KANK1: variants seen among roughly 807,000 people sequenced by gnomAD.
KANK1 encodes the protein KN motif and ankyrin repeat domain-containing protein 1.
A neutral mutation model predicts 106.2 loss-of-function variants in KANK1; 109 were observed. The observed-to-expected ratio is 1.03, with a 90% CI of 0.88 to 1.20. The LOEUF is 1.20. KANK1 is among the 50% of genes most tolerant of loss of function. The pLI, the probability that KANK1 is intolerant of heterozygous loss-of-function variation, is 0.00. For missense variants in KANK1, 2,399 were observed against 1,710.7 expected, an observed-to-expected ratio of 1.40 and a Z score of -7.10; for synonymous variants, 873 against 652.2, an observed-to-expected ratio of 1.34 and a Z score of -5.16.
chr9:703,171 C>T (rs1323077078), intron 2 of KANK1, among the ~76,000 whole-genome samples: 1 of 151,840 alleles, frequency 6.6e-6, no homozygotes, highest in African/African-American at 2.4e-5. Context: ...TTTGTATTTT[C>T]AGTAGAGACA....
intron 8 of KANK1, 21 bp downstream of exon 8, chr9:738,525 C>T (rs186785228): frequency 6.3e-6 from 10 of 1,582,584 alleles, no homozygotes; most frequent in South Asian, 1.1e-5. Flanking sequence ...TGCCCTTCCA[C>T]CCTCTCTTCT....
intron 1 of KANK1, among the ~76,000 whole-genome samples, chr9:572,254 C>G (rs1239935990): frequency 6.7e-6 from 1 of 150,290 alleles, no homozygotes; most frequent in East Asian, 2.0e-4. Flanking sequence ...CTCCTGGGCT[C>G]AAGGCATCCT....
At chr9:485,172 G>C (rs1234669801) in intron 3 of KANK1, among the ~76,000 whole-genome samples, 1 of 152,186 alleles carries the variant, frequency 6.6e-6, no homozygotes, top group Non-Finnish European at 1.5e-5. Flanking sequence ...TCTTCAGGGA[G>C]TGGGTGTGGT....
intron 1 of KANK1, among the ~76,000 whole-genome samples, chr9:603,841 C>A (rs890164907): frequency 1.3e-5 from 2 of 151,058 alleles, no homozygotes; most frequent in Admixed American, 6.6e-5. Context: ...GCGCCATAGT[C>A]CCAGCTACTC....
At chr9:587,871 G>A (rs1823889599) in intron 1 of KANK1, among the ~76,000 whole-genome samples, 1 of 152,172 alleles carries the variant, frequency 6.6e-6, no homozygotes, top group Admixed American at 6.5e-5. Flanking sequence ...TTTGAGACCA[G>A]CCTGGCCAAC....
intron 2 of KANK1, among the ~76,000 whole-genome samples, chr9:682,974 C>T (rs1588883597): frequency 6.6e-6 from 1 of 152,144 alleles, no homozygotes; most frequent in African/African-American, 2.4e-5. Context: ...GAGCCCACTG[C>T]GGTGAACCTG....
At chr9:743,046 T>C (rs10815596) in intron 10 of KANK1, among the ~76,000 whole-genome samples, 67,792 of 151,956 alleles carry the variant, frequency 0.45, 15,316 homozygotes, top group South Asian at 0.52. Flanking sequence ...GGGGGTACTT[T>C]TGCGTGTCTC....
At chr9:743,258 C>A (rs1429853983) in intron 10 of KANK1, among the ~76,000 whole-genome samples, 1 of 152,162 alleles carries the variant, frequency 6.6e-6, no homozygotes, top group Non-Finnish European at 1.5e-5. Flanking sequence ...TCAGATTCTT[C>A]TGGGCCCAAG....
chr9:572,453 G>A (rs1009778904), intron 1 of KANK1, among the ~76,000 whole-genome samples: 1 of 152,136 alleles, frequency 6.6e-6, no homozygotes, highest in Non-Finnish European at 1.5e-5. Flanking sequence ...TCGGGAAGCT[G>A]AGACAGGAGA....
At chr9:553,183 T>A (rs2061381040) in intron 1 of KANK1, among the ~76,000 whole-genome samples, 2 of 152,118 alleles carry the variant, frequency 1.3e-5, no homozygotes, top group East Asian at 1.9e-4. Context: ...CACCTTTATT[T>A]AAAAAAATCA....
At chr9:597,346 A>C (rs1826469277) in intron 1 of KANK1, among the ~76,000 whole-genome samples, 1 of 151,878 alleles carries the variant, frequency 6.6e-6, no homozygotes, top group African/African-American at 2.4e-5. Flanking sequence ...ACAAGGTTCC[A>C]ATTTTTCCAT....
In KANK1 at chr9:742,777, A is replaced by G. The variant is rs776337365; in HGVS notation, c.3897+372A>G. 2.6e-5 allele frequency among the ~76,000 whole-genome samples: 4 copies of G among 152,222 alleles called. No homozygotes were observed. The South Asian group carries it at 8.3e-4, about 32-fold the overall frequency. On this transcript the variant is annotated intron_variant, in intron 10 of 11. Coordinates refer to ENST00000382297, the MANE Select transcript of KANK1 (RefSeq NM_015158.5). ...GGTGCACTTGGAAATCTGGATTATC[A>G]TTAGAGGCTGGGGTTACACGGTGAC...
intron 1 of KANK1, among the ~76,000 whole-genome samples, chr9:671,123 T>G (rs917303009): frequency 6.6e-5 from 10 of 152,220 alleles, no homozygotes; most frequent in African/African-American, 2.4e-4. Context: ...TAAAGTATAA[T>G]TCTTATTTTG....
At chr9:603,623 C>G (rs1227305318) in intron 1 of KANK1, among the ~76,000 whole-genome samples, 1 of 151,478 alleles carries the variant, frequency 6.6e-6, no homozygotes, top group African/African-American at 2.4e-5. Context: ...TACTTAGATT[C>G]TATCATTAAT....
intron 3 of KANK1, among the ~76,000 whole-genome samples, chr9:727,312 A>G (rs1830944935): frequency 6.7e-6 from 1 of 149,996 alleles, no homozygotes; most frequent in South Asian, 2.1e-4. Flanking sequence ...AAAATGGCAA[A>G]TCCAAGGAAA....
rs373647339 is a variant in KANK1 at position 636,365 on chromosome 9, T to C, written c.-83-40525T>C. Among the ~76,000 whole-genome samples, 10 of 152,178 alleles carry C rather than the reference T, an allele frequency of 6.6e-5. 1 individual carries two copies. In the East Asian group the frequency reaches 1.9e-3, roughly 29 times the overall value. ...AGCACTGCTGATCATGCAGGGTATG[T>C]CCTGGTTTCTTTTGTGTTTGATGGC... is the stretch of plus-strand genomic sequence containing the variant. On this transcript the variant is annotated intron_variant, in intron 1 of 11. Transcript: ENST00000382297.
At chr9:744,639 T>C (rs933308992) in intron 11 of KANK1, 50 bp downstream of exon 11, 1 of 1,613,944 alleles carries the variant, frequency 6.2e-7, no homozygotes, top group Non-Finnish European at 8.5e-7. Context: ...TCCACCAGAC[T>C]GGTGGACCCC....
At chr9:658,820 C>A (rs1842700107) in intron 1 of KANK1, among the ~76,000 whole-genome samples, 1 of 152,112 alleles carries the variant, frequency 6.6e-6, no homozygotes. Flanking sequence ...TATTTCTGGG[C>A]TGTATGCTGT....
rs915823865 is a variant in KANK1, at chr9:621,852, G to A, written c.-83-55038G>A. Reference sequence around the variant, plus strand: ...GACTTCACATGTGAACTTTGCCCTCGCCGGTGGAAGGGGTACAGTCCAGAT... The same window carrying A: ...GACTTCACATGTGAACTTTGCCCTCACCGGTGGAAGGGGTACAGTCCAGAT... On this transcript the variant is annotated intron_variant, in intron 1 of 11. Coordinates refer to ENST00000382297, the MANE Select transcript of KANK1 (RefSeq NM_015158.5). Among the ~76,000 whole-genome samples, 6 of 152,190 alleles carry A rather than the reference G, an allele frequency of 3.9e-5. No individual in the cohort carries two copies. In the East Asian group the frequency reaches 7.7e-4, roughly 20 times the overall value.
Sources: allele counts gnomAD v4.1 joint callset (sites outside exome capture counted in the v4.1 genomes callset), GRCh38; gene constraint gnomAD v4.1.1; transcripts MANE v1.5; gene names NCBI Gene and HGNC (gene_info 2026-07-23, HGNC 2026-07-21).